SLC22A16: variants seen among roughly 807,000 people sequenced by gnomAD.
SLC22A16 encodes the protein solute carrier family 22 member 16, also known as WUGSC:RG331P03.1.
SLC22A16 carries 53 observed loss-of-function variants against 52.9 expected under a neutral mutation model. The ratio of observed to expected loss-of-function variants is 1.00; its 90% CI spans 0.80 to 1.26. SLC22A16 has a LOEUF of 1.26. SLC22A16 is among the 50% of genes most tolerant of loss of function. The pLI is 0.00. For missense variants in SLC22A16, 726 were observed against 704.0 expected (o/e 1.03, Z -0.35); for synonymous variants, 291 against 268.8 (o/e 1.08, Z -0.81).
At chr6:110,451,032 G>T (rs1175900867) in intron 2 of SLC22A16, among the ~76,000 whole-genome samples, 1 of 152,100 alleles carries the variant, frequency 6.6e-6, no homozygotes, top group Non-Finnish European at 1.5e-5. Flanking sequence ...TTGCTATTAT[G>T]ATTTTAAATT....
chr6:110,443,207 C>G (rs1775044549), intron 3 of SLC22A16, among the ~76,000 whole-genome samples: 1 of 152,120 alleles, frequency 6.6e-6, no homozygotes, highest in South Asian at 2.1e-4. Context: ...AATTAAAATT[C>G]TATTTTGACA....
At chr6:110,425,928 A>G (rs1313670027) in intron 7 of SLC22A16, among the ~76,000 whole-genome samples, 1 of 152,224 alleles carries the variant, frequency 6.6e-6, no homozygotes, top group Non-Finnish European at 1.5e-5. Context: ...TGCTGGAAAG[A>G]CCCTATAAAA....
chr6:110,471,049 T>C (rs1190291722), intron 1 of SLC22A16, among the ~76,000 whole-genome samples: 1 of 152,174 alleles, frequency 6.6e-6, no homozygotes, highest in Admixed American at 6.5e-5. Flanking sequence ...ATCTCCTAGG[T>C]ATCTACCCAG....
intron 6 of SLC22A16, among the ~76,000 whole-genome samples, chr6:110,433,569 C>T (rs1412838039): frequency 6.6e-6 from 1 of 152,210 alleles, no homozygotes; most frequent in Non-Finnish European, 1.5e-5. Context: ...TTGCCTTTCA[C>T]ACTTGTAACA....
At chr6:110,427,646 C>T (rs931141629) in intron 7 of SLC22A16, among the ~76,000 whole-genome samples, 6 of 152,254 alleles carry the variant, frequency 3.9e-5, no homozygotes, top group Admixed American at 2.6e-4. Flanking sequence ...ACTACAGGCA[C>T]GCACCACCAC....
intron 7 of SLC22A16, among the ~76,000 whole-genome samples, chr6:110,427,265 G>GAAAAA (rs1221374329): frequency 4.3e-5 from 5 of 116,824 alleles, no homozygotes; most frequent in Non-Finnish European, 7.0e-5. Context: ...AAAAAAAAAA[G>GAAAAA]AAAAAAAAGA....
chr6:110,474,254 G>A (rs1776381144), intron 1 of SLC22A16, among the ~76,000 whole-genome samples: 1 of 152,058 alleles, frequency 6.6e-6, no homozygotes, highest in Non-Finnish European at 1.5e-5. Flanking sequence ...TTAGGGACCA[G>A]GTCTGTGGAA....
chr6:110,476,577 T>C lies in SLC22A16; in HGVS notation c.-3A>G. 1 of 1,528,376 alleles carries C rather than the reference T, an allele frequency of 6.5e-7. No individual in the cohort carries two copies. The highest frequency in any genetic ancestry group is 1.5e-5 in the African/African-American group (1 of 67,876). 94.7% of individuals were successfully genotyped at this position (1,528,376 alleles called of 1,614,324 possible). A position where few individuals can be genotyped will look rare whatever the true frequency, so the allele number is the denominator to read the frequency against. ...CCCTCGAAGTGGCGGGACCCCATGGTGCGGCCGTGCACTGGGCGCCGAGTT... is the reference window on the plus strand; with the variant it reads ...CCCTCGAAGTGGCGGGACCCCATGGCGCGGCCGTGCACTGGGCGCCGAGTT... On this transcript the variant is annotated 5_prime_UTR_variant, in exon 1 of 8. Coordinates refer to ENST00000368919, the MANE Select transcript of SLC22A16 (RefSeq NM_033125.4).
At position 110,456,539 on chromosome 6, in the gene SLC22A16, T is replaced by C; in HGVS notation, c.532A>G (p.Arg178Gly). The stretch of plus-strand genomic sequence containing the variant: ...ACAATCCTAAATATTTGATTTTACC[T>C]GTCAGAAAAGTAGCCAAAAGTCACC... ...GSVTFGYFSD[R>G]LGRRVVLWAT... The change falls in exon 2 of 8, where the codon AGG becomes GGG. Residue 178 changes from arginine to glycine, a missense_variant and splice_region_variant. By Grantham distance (125) the Arg-to-Gly change is moderately radical. Coordinates refer to ENST00000368919, the MANE Select transcript of SLC22A16 (RefSeq NM_033125.4). 6.2e-7 allele frequency: 1 copy of C among 1,613,564 alleles called. No individual in the cohort carries two copies. Among genetic ancestry groups the C allele is most frequent in the Non-Finnish European group, 8.5e-7 (1 of 1,179,526 alleles).
intron 1 of SLC22A16, among the ~76,000 whole-genome samples, chr6:110,460,697 T>C (rs1775845713): frequency 6.6e-6 from 1 of 152,224 alleles, no homozygotes; most frequent in Admixed American, 6.5e-5. Flanking sequence ...GTGCACCTGT[T>C]CTGAGCCACT....
chr6:110,450,171 T>C lies in SLC22A16; in HGVS notation c.534-3181A>G, dbSNP rs371758524. Reference sequence around the variant, plus strand: ...TGAACTTTCTATGCTTCCTTTTCCCTACTGGTTAAAAAAAAAGGAGGGGGG... The same window carrying C: ...TGAACTTTCTATGCTTCCTTTTCCCCACTGGTTAAAAAAAAAGGAGGGGGG... On this transcript the variant is annotated intron_variant, in intron 2 of 7. Transcript: ENST00000368919. 2.3e-3 allele frequency among the ~76,000 whole-genome samples: 341 copies of C among 149,300 alleles called. 3 individuals are homozygous for C. Among genetic ancestry groups the C allele is most frequent in the African/African-American group, 8.1e-3 (330 of 40,508 alleles).
intron 1 of SLC22A16, among the ~76,000 whole-genome samples, chr6:110,466,687 T>G (rs1776074157): frequency 6.6e-6 from 1 of 152,122 alleles, no homozygotes. Context: ...GAATATGAAT[T>G]AGTACAACCC....
chr6:110,425,202 T>C (rs1331940268), intron 7 of SLC22A16, 117 bp from the exon 8 acceptor site: 1 of 1,526,926 alleles, frequency 6.5e-7, no homozygotes, highest in Non-Finnish European at 8.8e-7. Flanking sequence ...ACATAACAGT[T>C]GTCACTGTGA....
chr6:110,476,246 G>T (rs1036992113), intron 1 of SLC22A16: 4 of 932,250 alleles, frequency 4.3e-6, no homozygotes, highest in Non-Finnish European at 6.0e-6. Flanking sequence ...TGCTGCCGCG[G>T]AGAGCACGCA....
intron 1 of SLC22A16, among the ~76,000 whole-genome samples, chr6:110,458,041 C>A (rs1562295623): frequency 6.6e-6 from 1 of 152,198 alleles, no homozygotes; most frequent in African/African-American, 2.4e-5. Context: ...GGTCTGCTTT[C>A]ATGTTCCATC....
At chr6:110,466,807 A>G (rs1440456140) in intron 1 of SLC22A16, among the ~76,000 whole-genome samples, 2 of 152,180 alleles carry the variant, frequency 1.3e-5, no homozygotes, top group Non-Finnish European at 2.9e-5. Flanking sequence ...TCATTATATC[A>G]AAAAGACACC....
chr6:110,444,371 C>T (rs926888311), intron 3 of SLC22A16, among the ~76,000 whole-genome samples: 5 of 151,962 alleles, frequency 3.3e-5, no homozygotes, highest in African/African-American at 4.8e-5. Flanking sequence ...TAAAATTATT[C>T]GAGAGCACCA....
chr6:110,443,852 T>C (rs1562285375), intron 3 of SLC22A16, among the ~76,000 whole-genome samples: 1 of 152,186 alleles, frequency 6.6e-6, no homozygotes, highest in Non-Finnish European at 1.5e-5. Context: ...CTAAGGGAAA[T>C]AAGCCAGTCA....
intron 7 of SLC22A16, 72 bp from the exon 8 acceptor site, chr6:110,425,157 C>T (rs1774206059): frequency 1.3e-6 from 2 of 1,583,908 alleles, no homozygotes; most frequent in African/African-American, 1.4e-5. Flanking sequence ...ATAGAATTTC[C>T]TAACTGTTTT....
Sources: allele counts gnomAD v4.1 joint callset (sites outside exome capture counted in the v4.1 genomes callset), GRCh38; gene constraint gnomAD v4.1.1; transcripts MANE v1.5; gene names NCBI Gene and HGNC (gene_info 2026-07-23, HGNC 2026-07-21).